AACS: variants seen among roughly 807,000 people sequenced by gnomAD.
The protein encoded by AACS is acetoacetyl-CoA synthetase, also known as acetoacetate-CoA ligase.
AACS carries 69 observed loss-of-function variants against 83.1 expected under a neutral mutation model. The observed-to-expected ratio is 0.83, with a 90% CI of 0.68 to 1.01. AACS has a LOEUF of 1.01. Among genes scored for constraint, AACS ranks in the 50% least tolerant of loss-of-function variants. AACS has a pLI of 0.00. For synonymous variants in AACS, 333 were observed against 343.4 expected (o/e 0.97, Z 0.33); for missense variants, 866 against 882.2 (o/e 0.98, Z 0.23).
At chr12:125,076,372 T>A in intron 2 of AACS, 119 bp from the exon 3 acceptor site, 2 of 1,390,326 alleles carry the variant, frequency 1.4e-6, no homozygotes, top group Admixed American at 4.0e-5. Context: ...GGCCAATGAG[T>A]GAGCTGGCTT....
intron 3 of AACS, among the ~76,000 whole-genome samples, chr12:125,080,225 T>C (rs1337352464): frequency 6.6e-6 from 1 of 152,190 alleles, no homozygotes; most frequent in Non-Finnish European, 1.5e-5. Flanking sequence ...TCTTTTCTTT[T>C]CCTCGTCTCT....
intron 12 of AACS, chr12:125,126,362 A>G (rs946244443): frequency 6.6e-6 from 1 of 152,166 alleles, no homozygotes; most frequent in Non-Finnish European, 1.5e-5. Context: ...AGGTGTCCTC[A>G]TGGCTGCCGT....
At position 125,097,235 on chromosome 12, in the gene AACS, A is replaced by T. The variant is rs375657963; in HGVS notation, c.571-5444A>T. Among the ~76,000 whole-genome samples, 17 of 152,008 alleles carry T rather than the reference A, an allele frequency of 1.1e-4. No individual in the cohort carries two copies. The South Asian group carries it at 3.3e-3, about 30-fold the overall frequency. ...TCTGTGTAGCAGTTTAGAGCAGAAGAAGAAGTAGTAGGAAATAGTCTTTGT... is the reference window on the plus strand; with the variant it reads ...TCTGTGTAGCAGTTTAGAGCAGAAGTAGAAGTAGTAGGAAATAGTCTTTGT... On this transcript the variant is annotated intron_variant, in intron 5 of 17. Coordinates refer to ENST00000316519, the MANE Select transcript of AACS (RefSeq NM_023928.5). The surrounding 1 kb of genome is among the most constrained non-coding windows in gnomAD (Gnocchi z 4.3).
At chr12:125,082,357 T>A (rs11058031) in intron 3 of AACS, among the ~76,000 whole-genome samples, 45,583 of 148,686 alleles carry the variant, frequency 0.31, 8,478 homozygotes, top group Non-Finnish European at 0.42. Flanking sequence ...TTTTTTTTTT[T>A]AAGAGATGGG....
rs117939534 is a variant in AACS at position 125,107,477 on chromosome 12, G to A, written c.915+209G>A. ...GTGCTGCCACTTCAAAGGCTGGGAT[G>A]GCACCTAACACCATGGCGATAGGCT... is the stretch of plus-strand genomic sequence containing the variant. On this transcript the variant is annotated intron_variant, in intron 8 of 17. Transcript: ENST00000316519. 7.4e-3 allele frequency among the ~76,000 whole-genome samples: 1,128 copies of A among 152,348 alleles called. 9 individuals carry two copies. The highest frequency in any genetic ancestry group is 0.014 in the Non-Finnish European group (942 of 68,038).
At chr12:125,107,730 G>A (rs1956865681) in intron 8 of AACS, among the ~76,000 whole-genome samples, 1 of 152,246 alleles carries the variant, frequency 6.6e-6, no homozygotes, top group Non-Finnish European at 1.5e-5. Flanking sequence ...GGAACCTGAG[G>A]TGGGCAGATT....
chr12:125,117,243 C>T (rs1477687150), intron 9 of AACS, among the ~76,000 whole-genome samples: 1 of 152,126 alleles, frequency 6.6e-6, no homozygotes, highest in African/African-American at 2.4e-5. Flanking sequence ...AAAACCCTGT[C>T]TCTACTAAAA....
intron 4 of AACS, among the ~76,000 whole-genome samples, chr12:125,089,972 A>G (rs1433294464): frequency 1.3e-5 from 2 of 150,934 alleles, no homozygotes; most frequent in East Asian, 2.0e-4. Context: ...TGCATCCTCC[A>G]TTCATCATCC....
intron 8 of AACS, 100 bp from the exon 9 acceptor site, chr12:125,114,377 T>C: frequency 1.1e-6 from 1 of 911,744 alleles, no homozygotes. Context: ...CTGCTGGGGC[T>C]TCTTCCTGGC....
chr12:125,101,738 A>G (rs1252951745), intron 5 of AACS: 1 of 148,894 alleles, frequency 6.7e-6, no homozygotes, highest in East Asian at 2.0e-4. Context: ...GGTTGTTCTC[A>G]GATATAAGTT....
chr12:125,093,987 C>T (rs957714759), intron 5 of AACS, among the ~76,000 whole-genome samples: 1 of 152,206 alleles, frequency 6.6e-6, no homozygotes, highest in African/African-American at 2.4e-5. Flanking sequence ...GTCCCACAGA[C>T]ACCTGGACAC....
At chr12:125,138,390 C>G (rs1224601338) in intron 17 of AACS, 3 of 152,146 alleles carry the variant, frequency 2.0e-5, no homozygotes, top group Non-Finnish European at 4.4e-5. Flanking sequence ...CTGATGCTCT[C>G]CAAGAAGGTA....
At chr12:125,095,595 CT>C (rs1956590155) in intron 5 of AACS, among the ~76,000 whole-genome samples, 1 of 152,188 alleles carries the variant, frequency 6.6e-6, no homozygotes, top group Non-Finnish European at 1.5e-5. Context: ...CCACCTGCCC[CT>C]GGGTGTTGAT....
chr12:125,088,275 A>G (rs1329748557), intron 4 of AACS, among the ~76,000 whole-genome samples: 1 of 140,772 alleles, frequency 7.1e-6, no homozygotes. Flanking sequence ...TCTGTTGCCC[A>G]GGCTGGACTG....
chr12:125,137,035 G>C (rs939709400), intron 17 of AACS, among the ~76,000 whole-genome samples, 171 bp downstream of exon 17: 1 of 152,148 alleles, frequency 6.6e-6, no homozygotes, highest in African/African-American at 2.4e-5. Flanking sequence ...TCCTAAGACT[G>C]CATTTAAAGC....
At chr12:125,084,249 C>A (rs577258620) in intron 3 of AACS, among the ~76,000 whole-genome samples, 1 of 151,048 alleles carries the variant, frequency 6.6e-6, no homozygotes, top group Non-Finnish European at 1.5e-5. Context: ...ACCTGGGAGG[C>A]GGAGGGTGCA....
chr12:125,093,443 C>T (rs1224639403), intron 5 of AACS, among the ~76,000 whole-genome samples: 1 of 152,244 alleles, frequency 6.6e-6, no homozygotes, highest in African/African-American at 2.4e-5. Flanking sequence ...CACGTCACTC[C>T]CCGCTGACTC....
intron 4 of AACS, 106 bp from the exon 5 acceptor site, chr12:125,091,320 C>G: frequency 8.6e-7 from 1 of 1,157,606 alleles, no homozygotes; most frequent in South Asian, 1.3e-5. Context: ...CAGTTCAAGG[C>G]CAGCCCCCTT....
At chr12:125,088,093 A>G (rs1394659976) in intron 4 of AACS, among the ~76,000 whole-genome samples, 1 of 152,124 alleles carries the variant, frequency 6.6e-6, no homozygotes, top group African/African-American at 2.4e-5. Context: ...TGTGTTCTCC[A>G]TACTAGAAGG....
Sources: gnomAD v4.1 joint callset for allele counts (sites outside exome capture counted in the v4.1 genomes callset) on GRCh38, gnomAD v4.1.1 for gene constraint, Gnocchi (gnomAD v3.1) non-coding constraint, MANE v1.5 for transcripts, NCBI Gene and HGNC (gene_info 2026-07-23, HGNC 2026-07-21) for gene names.